GRIK4: variants seen among roughly 807,000 people sequenced by gnomAD.
The protein encoded by GRIK4 is glutamate receptor ionotropic, kainate 4.
GRIK4 carries 40 observed loss-of-function variants against 104.9 expected under a neutral mutation model. That is an observed-to-expected ratio of 0.38 (90% CI 0.30 to 0.50). The LOEUF (loss-of-function observed/expected upper bound fraction) is 0.50. Ranked by LOEUF, GRIK4 falls within the 20% of genes least tolerant of loss-of-function variation. GRIK4 has a pLI of 0.93. For missense variants in GRIK4, 1,047 were observed against 1,308.1 expected, an observed-to-expected ratio of 0.80 and a Z score of 3.08; for synonymous variants, 485 against 524.9, an observed-to-expected ratio of 0.92 and a Z score of 1.04.
chr11:120,637,202 AAGTC>A (rs755904263), intron 1 of GRIK4, among the ~76,000 whole-genome samples: 1 of 152,136 alleles, frequency 6.6e-6, no homozygotes, highest in Admixed American at 6.5e-5. Flanking sequence ...GGTGGGGAGA[AAGTC>A]AGACAGGCAG....
chr11:120,837,629 C>T (rs1436638816), intron 8 of GRIK4, among the ~76,000 whole-genome samples: 1 of 152,012 alleles, frequency 6.6e-6, no homozygotes, highest in African/African-American at 2.4e-5. Context: ...ATTACCAGCA[C>T]CCCAGAATCC....
intron 3 of GRIK4, among the ~76,000 whole-genome samples, chr11:120,679,847 A>G (rs1323550105): frequency 6.6e-6 from 1 of 152,200 alleles, no homozygotes; most frequent in African/African-American, 2.4e-5. Flanking sequence ...AGGTGGCTTC[A>G]TCTTTCAACA....
chr11:120,564,994 G>T (rs1040977557), intron 1 of GRIK4, among the ~76,000 whole-genome samples: 6 of 139,774 alleles, frequency 4.3e-5, no homozygotes, highest in East Asian at 2.0e-4. Context: ...TGGGGGGGGT[G>T]GGGTGTCCTG....
intron 10 of GRIK4, among the ~76,000 whole-genome samples, chr11:120,874,739 T>G (rs1592019897): frequency 6.6e-6 from 1 of 152,098 alleles, no homozygotes; most frequent in Non-Finnish European, 1.5e-5. Flanking sequence ...GACTTTGCAT[T>G]TAGAGTTAGG....
At chr11:120,906,567 T>C (rs1244760957) in intron 13 of GRIK4, among the ~76,000 whole-genome samples, 1 of 152,218 alleles carries the variant, frequency 6.6e-6, no homozygotes, top group African/African-American at 2.4e-5. Context: ...TCTTTTTCTT[T>C]ATTGAATTAA....
chr11:120,669,614 C>T (rs550096288), intron 3 of GRIK4, among the ~76,000 whole-genome samples: 3 of 152,242 alleles, frequency 2.0e-5, no homozygotes, highest in Non-Finnish European at 2.9e-5. Context: ...CTGGACTTAG[C>T]AGCAGCATTT....
intron 4 of GRIK4, among the ~76,000 whole-genome samples, chr11:120,805,196 C>T (rs1952689033): frequency 6.6e-6 from 1 of 152,170 alleles, no homozygotes; most frequent in South Asian, 2.1e-4. Context: ...TCCTTGTGAA[C>T]CCCCAGTCCA....
At chr11:120,889,723 G>C (rs1955227886) in intron 11 of GRIK4, among the ~76,000 whole-genome samples, 1 of 147,036 alleles carries the variant, frequency 6.8e-6, no homozygotes, top group African/African-American at 2.5e-5. Context: ...TCCTGCCTCA[G>C]CCTCCGGAGT....
At chr11:120,786,625 C>T (rs2135484189) in intron 3 of GRIK4, among the ~76,000 whole-genome samples, 1 of 152,176 alleles carries the variant, frequency 6.6e-6, no homozygotes, top group Admixed American at 6.5e-5. Flanking sequence ...AACACACCAA[C>T]ATCTCTTCAT....
Position 120,967,172 on chromosome 11 carries a change from G to C in GRIK4, c.2267-23G>C. ...ACAGGGCATTCACAACCTGTGTCCT[G>C]GGCTCTCCCGTAACCCCCGCAGGCT... On this transcript the variant is annotated intron_variant, in intron 18 of 20. Coordinates refer to ENST00000527524, the MANE Select transcript of GRIK4 (RefSeq NM_014619.5). This position sits in a 1 kb window ranked among gnomAD's most constrained non-coding sequence, Gnocchi z 4.2. The C allele has an allele frequency of 1.9e-6, 3 of 1,605,348 alleles. No homozygotes were observed. Among genetic ancestry groups the C allele is most frequent in the Non-Finnish European group, 2.6e-6 (3 of 1,175,666 alleles).
chr11:120,981,040 C>G (rs2134796786), intron 19 of GRIK4, among the ~76,000 whole-genome samples: 1 of 152,268 alleles, frequency 6.6e-6, no homozygotes, highest in South Asian at 2.1e-4. Flanking sequence ...GCTCCATGTT[C>G]TGTGAGGACA....
At chr11:120,613,101 G>C (rs1949058705) in intron 1 of GRIK4, among the ~76,000 whole-genome samples, 1 of 152,184 alleles carries the variant, frequency 6.6e-6, no homozygotes, top group African/African-American at 2.4e-5. Context: ...TGAGAATGAG[G>C]ATGATTACTC....
At chr11:120,596,850 G>A (rs908186102) in intron 1 of GRIK4, among the ~76,000 whole-genome samples, 4 of 151,992 alleles carry the variant, frequency 2.6e-5, no homozygotes, top group Admixed American at 1.3e-4. Flanking sequence ...TCAGCCTGCC[G>A]AGTGGCTGGG....
At chr11:120,534,635 A>G (rs1326501030) in intron 1 of GRIK4, among the ~76,000 whole-genome samples, 1 of 152,170 alleles carries the variant, frequency 6.6e-6, no homozygotes, top group African/African-American at 2.4e-5. Context: ...CGCTGTAGTA[A>G]GTACAGTAAG....
chr11:120,771,215 G>C (rs1332632990), intron 3 of GRIK4, among the ~76,000 whole-genome samples: 1 of 152,180 alleles, frequency 6.6e-6, no homozygotes, highest in Non-Finnish European at 1.5e-5. Flanking sequence ...GATTAGCTAA[G>C]TGGTCATGAA....
chr11:120,545,292 A>G (rs781262959), intron 1 of GRIK4, among the ~76,000 whole-genome samples: 1 of 152,184 alleles, frequency 6.6e-6, no homozygotes, highest in Non-Finnish European at 1.5e-5. Context: ...GGCTGAAACT[A>G]TATTAAGTGA....
chr11:120,512,484 C>A (rs900081873), intron 1 of GRIK4, among the ~76,000 whole-genome samples: 3 of 152,172 alleles, frequency 2.0e-5, no homozygotes, highest in African/African-American at 7.2e-5. Context: ...CACACCCCCC[C>A]ACCCTGCACA....
At chr11:120,533,561 G>A (rs1947943072) in intron 1 of GRIK4, among the ~76,000 whole-genome samples, 1 of 152,222 alleles carries the variant, frequency 6.6e-6, no homozygotes, top group Non-Finnish European at 1.5e-5. Flanking sequence ...CTGGATTATG[G>A]AGGGTCTTAT....
At chr11:120,666,158 G>A (rs1275826077) in intron 3 of GRIK4, among the ~76,000 whole-genome samples, 1 of 152,226 alleles carries the variant, frequency 6.6e-6, no homozygotes, top group Admixed American at 6.5e-5. Context: ...GGTTTGTGGT[G>A]TATAGCGTGT....
Sources: allele counts gnomAD v4.1 joint callset (sites outside exome capture counted in the v4.1 genomes callset), GRCh38; gene constraint gnomAD v4.1.1; non-coding constraint Gnocchi (gnomAD v3.1); transcripts MANE v1.5; gene names NCBI Gene and HGNC (gene_info 2026-07-23, HGNC 2026-07-21).